The following CCDC38 variants were observed in gnomAD, a reference collection of about 807,000 sequenced individuals.
CCDC38 encodes coiled-coil domain-containing protein 38.
Under a neutral mutation model 72.8 loss-of-function variants are expected in CCDC38, and 69 were observed. The observed-to-expected ratio is 0.95, with a 90% CI of 0.78 to 1.16. The LOEUF is 1.16. Among genes scored for constraint, CCDC38 ranks in the 50% most tolerant of loss-of-function variants. The pLI is 0.00. For synonymous variants in CCDC38, 201 were observed against 213.2 expected, an observed-to-expected ratio of 0.94 and a Z score of 0.50; for missense variants, 626 against 638.9, an observed-to-expected ratio of 0.98 and a Z score of 0.22.
chr12:95,911,964 C>A (rs2080099237), intron 4 of CCDC38, among the ~76,000 whole-genome samples: 1 of 152,204 alleles, frequency 6.6e-6, no homozygotes, highest in Non-Finnish European at 1.5e-5. Flanking sequence ...GAGACTCAAC[C>A]TAGATGCCCA....
chr12:95,914,053 G>A (rs1032128542), intron 4 of CCDC38, among the ~76,000 whole-genome samples: 1 of 152,234 alleles, frequency 6.6e-6, no homozygotes, highest in African/African-American at 2.4e-5. Flanking sequence ...GCTGGGAGTG[G>A]TGGCCCATGC....
At chr12:95,882,723 TCTC>T in intron 10 of CCDC38, among the ~76,000 whole-genome samples, 1 of 152,280 alleles carries the variant, frequency 6.6e-6, no homozygotes, top group Admixed American at 6.5e-5. Flanking sequence ...CTTCTTCCCT[TCTC>T]CTTCTACCCA....
chr12:95,892,585 T>C (rs1347223657), intron 8 of CCDC38, among the ~76,000 whole-genome samples: 6 of 114,320 alleles, frequency 5.2e-5, no homozygotes, highest in African/African-American at 2.8e-4. Flanking sequence ...CTTAAATTCT[T>C]TTTTTTTTTT....
intron 5 of CCDC38, among the ~76,000 whole-genome samples, chr12:95,899,958 A>G (rs2079933408): frequency 6.6e-6 from 1 of 152,142 alleles, no homozygotes; most frequent in South Asian, 2.1e-4. Flanking sequence ...CAGCCAAGGA[A>G]AGTCTCCCTG....
intron 10 of CCDC38, among the ~76,000 whole-genome samples, chr12:95,884,486 A>G (rs1399067111): frequency 6.6e-6 from 1 of 152,258 alleles, no homozygotes; most frequent in Non-Finnish European, 1.5e-5. Context: ...AACATAGTAA[A>G]GAAATCAATT....
At chr12:95,903,710 A>G in intron 5 of CCDC38, 1 of 390,364 alleles carries the variant, frequency 2.6e-6, no homozygotes, top group Non-Finnish European at 4.5e-6. Flanking sequence ...TAAATGTTAA[A>G]TTACTTTTGT....
chr12:95,892,338 G>T (rs1467300476), intron 8 of CCDC38, among the ~76,000 whole-genome samples: 1 of 140,392 alleles, frequency 7.1e-6, no homozygotes, highest in Admixed American at 7.4e-5. Flanking sequence ...AGGCTGGAGC[G>T]CAGTGGCATG....
intron 4 of CCDC38, among the ~76,000 whole-genome samples, chr12:95,916,568 G>A (rs1398284530): frequency 4.6e-5 from 7 of 151,840 alleles, no homozygotes; most frequent in Admixed American, 1.3e-4. Context: ...GCACTACTTG[G>A]TTTGACAAGT....
intron 8 of CCDC38, among the ~76,000 whole-genome samples, chr12:95,891,857 G>A (rs1047188695): frequency 1.3e-5 from 2 of 152,102 alleles, no homozygotes; most frequent in African/African-American, 4.8e-5. Flanking sequence ...TGTTGGTAAA[G>A]GTTTAACAAC....
intron 2 of CCDC38, among the ~76,000 whole-genome samples, chr12:95,927,766 T>G (rs970442804): frequency 3.3e-5 from 5 of 151,844 alleles, no homozygotes; most frequent in African/African-American, 1.2e-4. Context: ...TTTGCTTGTC[T>G]GTAAAGTATT....
intron 2 of CCDC38, among the ~76,000 whole-genome samples, chr12:95,922,784 G>A (rs17371251): frequency 0.065 from 9,823 of 151,992 alleles, 397 homozygotes; most frequent in Middle Eastern, 0.13. Context: ...AAGTGTAGAC[G>A]AGCAAAGCCA....
In CCDC38 at chr12:95,867,105, A is replaced by G; in HGVS notation, c.1663T>C (p.Ser555Pro). The G allele has an allele frequency of 6.2e-7, 1 of 1,600,436 alleles. No individual in the cohort carries two copies. The highest frequency in any genetic ancestry group is 8.5e-7 in the Non-Finnish European group (1 of 1,169,926). ...GTAAAAAAATATTCTTCCTCTTGTG[A>G]TTTTGTTTTTGTTTCATTGACTAAA... ...LPLVNETKTK[S>P]QEEEYFFT is the part of the protein sequence containing the mutation. The change falls in exon 16 of 16, where the codon TCA becomes CCA. Residue 555 changes from serine to proline, a missense_variant. Ser to Pro is a moderately conservative substitution (Grantham distance 74). Transcript: ENST00000344280.
intron 3 of CCDC38, 83 bp from the exon 4 acceptor site, chr12:95,917,377 C>T (rs1021347356): frequency 2.6e-6 from 3 of 1,139,120 alleles, no homozygotes; most frequent in Non-Finnish European, 3.7e-6. Flanking sequence ...ATAAAAATAA[C>T]ATTTGCAACA....
chr12:95,886,440 A>C (rs1430140352), intron 10 of CCDC38, among the ~76,000 whole-genome samples: 1 of 152,216 alleles, frequency 6.6e-6, no homozygotes, highest in African/African-American at 2.4e-5. Context: ...AAAAGCATGA[A>C]CTATAAAAGA....
At chr12:95,893,577 CG>C (rs2079854542) in intron 8 of CCDC38, among the ~76,000 whole-genome samples, 1 of 151,878 alleles carries the variant, frequency 6.6e-6, no homozygotes, top group Non-Finnish European at 1.5e-5. Flanking sequence ...CCTCAACTTC[CG>C]GGGTTTCAGG....
chr12:95,922,675 C>G (rs2080222283), intron 2 of CCDC38, among the ~76,000 whole-genome samples: 1 of 152,110 alleles, frequency 6.6e-6, no homozygotes, highest in Non-Finnish European at 1.5e-5. Flanking sequence ...CCCTGTGAGG[C>G]TGAAATATGT....
At chr12:95,881,690 G>C (rs1386177876) in intron 10 of CCDC38, 136 bp from the exon 11 acceptor site, 2 of 578,044 alleles carry the variant, frequency 3.5e-6, no homozygotes, top group African/African-American at 3.8e-5. Context: ...AGCCTTTTAG[G>C]GAACTGCTGA....
intron 4 of CCDC38, among the ~76,000 whole-genome samples, chr12:95,908,446 AGG>A (rs200488878): frequency 5.5e-3 from 9 of 1,634 alleles, no homozygotes; most frequent in African/African-American, 0.019. Flanking sequence ...CCGTGGAAAG[AGG>A]GAGAGGGAGA....
intron 13 of CCDC38, among the ~76,000 whole-genome samples, chr12:95,874,280 A>G (rs1186436217): frequency 1.3e-5 from 2 of 152,208 alleles, no homozygotes; most frequent in Non-Finnish European, 2.9e-5. Flanking sequence ...CAACTTTAAG[A>G]TGAGAGTGGT....
Sources: allele counts gnomAD v4.1 joint callset (sites outside exome capture counted in the v4.1 genomes callset), GRCh38; gene constraint gnomAD v4.1.1; transcripts MANE v1.5; gene names NCBI Gene and HGNC (gene_info 2026-07-23, HGNC 2026-07-21).